AFF2: variants seen among roughly 807,000 people sequenced by gnomAD.
The protein encoded by AFF2 is ALF transcription elongation factor 2, also known as AF4/FMR2 family member 2.
Under a neutral mutation model 76.9 loss-of-function variants are expected in AFF2, and 14 were observed. The ratio of observed to expected loss-of-function variants is 0.18; its 90% CI spans 0.12 to 0.28. The LOEUF (loss-of-function observed/expected upper bound fraction) is 0.28. AFF2 is among the 10% of genes least tolerant of loss of function. The pLI is 1.00. For missense variants in AFF2, 868 were observed against 1,001.1 expected (o/e 0.87, Z 1.79); for synonymous variants, 398 against 366.7 (o/e 1.09, Z -0.98).
intron 4 of AFF2, among the ~76,000 whole-genome samples, chrX:148,817,884 C>T (rs2124647289): frequency 9.0e-6 from 1 of 111,647 alleles, no homozygotes; most frequent in Admixed American, 9.5e-5. Flanking sequence ...CAGTCATCTT[C>T]ATTTAGATGA....
intron 1 of AFF2, among the ~76,000 whole-genome samples, chrX:148,612,970 T>C (rs2053748841): frequency 8.9e-6 from 1 of 111,756 alleles, no homozygotes; most frequent in South Asian, 3.7e-4. Context: ...ACTATAATAA[T>C]GATCACATCA....
intron 8 of AFF2, among the ~76,000 whole-genome samples, chrX:148,893,687 G>T (rs1340695604): frequency 8.9e-6 from 1 of 112,009 alleles, no homozygotes; most frequent in Non-Finnish European, 1.9e-5. Flanking sequence ...AAATGGATAT[G>T]ATCTGTCATT....
intron 4 of AFF2, among the ~76,000 whole-genome samples, chrX:148,823,811 C>T (rs2070354923): frequency 4.5e-5 from 5 of 111,777 alleles, no homozygotes; most frequent in East Asian, 5.7e-4. Context: ...GAAAAAGATA[C>T]AGCAAGTATT....
rs1434502321 is a variant in AFF2 at position 148,752,602 on chromosome X, T to C, written c.1042-57274T>C. ...ACAGCACGTCCCTGATTTATTTATG[T>C]TGTGTGAAAATTTAAGTAGTGATGT... On this transcript the variant is annotated intron_variant, in intron 3 of 20. Transcript: ENST00000370460. Among the ~76,000 whole-genome samples the C allele has an allele frequency of 2.7e-5, 3 of 112,080 alleles. No individual in the cohort carries two copies. The East Asian group carries it at 8.4e-4, about 31-fold the overall frequency.
At position 148,581,628 on chromosome X, in the gene AFF2, G is replaced by GTGTACACACATATATACGTATACA. The variant is rs1569551695; in HGVS notation, c.48-70370_48-70369insGTACACACATATATACGTATACAT. ...CGTGTACACACATATATACGTATACGTATACGTGTACACACATATATACAT... is the reference window on the plus strand; with the variant it reads ...CGTGTACACACATATATACGTATACGTGTACACACATATATACGTATACATATACGTGTACACACATATATACAT... On this transcript the variant is annotated intron_variant, in intron 1 of 20. Transcript: ENST00000370460. 6.3e-4 allele frequency among the ~76,000 whole-genome samples: 60 copies of GTGTACACACATATATACGTATACA among 94,915 alleles called. 8 individuals are homozygous for GTGTACACACATATATACGTATACA. Among genetic ancestry groups the GTGTACACACATATATACGTATACA allele is most frequent in the African/African-American group, 3.3e-3 (59 of 17,950 alleles). The allele number at this position is 94,915 out of a possible 115,157, so 82.4% of individuals were successfully genotyped here. A position where few individuals can be genotyped will look rare whatever the true frequency, so the allele number is the denominator to read the frequency against.
intron 3 of AFF2, among the ~76,000 whole-genome samples, chrX:148,706,182 G>T (rs1469093111): frequency 8.9e-6 from 1 of 112,038 alleles, no homozygotes; most frequent in African/African-American, 3.2e-5. Flanking sequence ...TTGTTTCTCA[G>T]AGCCTTGCAT....
chrX:148,725,847 A>G (rs2055149049), intron 3 of AFF2, among the ~76,000 whole-genome samples: 1 of 112,393 alleles, frequency 8.9e-6, no homozygotes, highest in Non-Finnish European at 1.9e-5. Context: ...CTGGCTTTTC[A>G]AGATGGCCAA....
At chrX:148,938,102 T>C (rs2071793415) in intron 9 of AFF2, among the ~76,000 whole-genome samples, 1 of 112,169 alleles carries the variant, frequency 8.9e-6, no homozygotes, top group Non-Finnish European at 1.9e-5. Flanking sequence ...TGCATTATGA[T>C]TGTCACTTTT....
At chrX:148,750,477 A>G (rs1045460092) in intron 3 of AFF2, among the ~76,000 whole-genome samples, 2 of 111,267 alleles carry the variant, frequency 1.8e-5, no homozygotes, top group Non-Finnish European at 3.8e-5. Flanking sequence ...AGCATGAGGT[A>G]TCATTTCAGT....
At chrX:148,769,266 C>T (rs1459902740) in intron 3 of AFF2, among the ~76,000 whole-genome samples, 1 of 111,756 alleles carries the variant, frequency 8.9e-6, no homozygotes, top group Admixed American at 9.5e-5. Flanking sequence ...CAAGATGTGC[C>T]TTCCTTCTGA....
intron 7 of AFF2, among the ~76,000 whole-genome samples, chrX:148,852,812 C>A (rs1427938095): frequency 8.9e-6 from 1 of 112,082 alleles, no homozygotes; most frequent in Non-Finnish European, 1.9e-5. Context: ...GAGAGAATGC[C>A]AAACACCTGT....
At chrX:148,841,547 A>G (rs930304485) in intron 5 of AFF2, among the ~76,000 whole-genome samples, 1 of 111,854 alleles carries the variant, frequency 8.9e-6, no homozygotes, top group Non-Finnish European at 1.9e-5. Context: ...CTATGCTGCA[A>G]TTATGTTCTC....
chrX:148,791,767 G>A (rs1415614176), intron 3 of AFF2, among the ~76,000 whole-genome samples: 2 of 111,146 alleles, frequency 1.8e-5, no homozygotes, highest in Non-Finnish European at 1.9e-5. Flanking sequence ...GATTGTATTG[G>A]CCATAGTGGT....
intron 3 of AFF2, among the ~76,000 whole-genome samples, chrX:148,698,797 G>GTTTTT (rs142604433): frequency 5.6e-5 from 4 of 71,713 alleles, no homozygotes; most frequent in Non-Finnish European, 8.1e-5. Context: ...GAGTTCTAGT[G>GTTTTT]TTTTTTTTTT....
At chrX:148,586,348 G>A (rs2053469668) in intron 1 of AFF2, among the ~76,000 whole-genome samples, 3 of 112,119 alleles carry the variant, frequency 2.7e-5, no homozygotes, top group Non-Finnish European at 5.6e-5. Flanking sequence ...TCTCAGCTGC[G>A]CCATGATGGA....
intron 1 of AFF2, 76 bp downstream of exon 1, chrX:148,501,220 A>G: frequency 8.6e-7 from 1 of 1,156,536 alleles, no homozygotes; most frequent in Non-Finnish European, 1.2e-6. Context: ...CTTTGTTAAG[A>G]GGAGCTGAAG....
chrX:148,725,461 A>G (rs1235675902), intron 3 of AFF2, among the ~76,000 whole-genome samples: 2 of 111,382 alleles, frequency 1.8e-5, no homozygotes, highest in East Asian at 5.7e-4. Context: ...AGAAAATCCC[A>G]AGACAACACA....
intron 3 of AFF2, among the ~76,000 whole-genome samples, chrX:148,749,247 C>T (rs1478068390): frequency 2.8e-5 from 3 of 107,204 alleles, no homozygotes; most frequent in Non-Finnish European, 3.8e-5. Context: ...GTGAAATTTA[C>T]GTTGCCTTCC....
At chrX:148,865,494 C>T (rs1005660032) in intron 7 of AFF2, among the ~76,000 whole-genome samples, 6 of 111,865 alleles carry the variant, frequency 5.4e-5, no homozygotes, top group African/African-American at 1.6e-4. Context: ...AAAGAAACAG[C>T]GGGGGCACCC....
Sources: gnomAD v4.1 joint callset for allele counts (sites outside exome capture counted in the v4.1 genomes callset) on GRCh38, gnomAD v4.1.1 for gene constraint, MANE v1.5 for transcripts, NCBI Gene and HGNC (gene_info 2026-07-23, HGNC 2026-07-21) for gene names.